The following PARD3 variants were observed in gnomAD, a reference collection of about 807,000 sequenced individuals.
PARD3 encodes par-3 family cell polarity regulator.
Under a neutral mutation model 155.4 loss-of-function variants are expected in PARD3, and 75 were observed. The ratio of observed to expected loss-of-function variants is 0.48; its 90% CI spans 0.40 to 0.58. PARD3 has a LOEUF of 0.58. Ranked by LOEUF, PARD3 falls within the 20% of genes least tolerant of loss-of-function variation. The pLI, the probability that PARD3 is intolerant of heterozygous loss-of-function variation, is 0.00. For missense variants in PARD3, 1,642 were observed against 1,721.7 expected (o/e 0.95, Z 0.82); for synonymous variants, 576 against 610.5 (o/e 0.94, Z 0.83).
chr10:34,131,626 T>C (rs1435549863), intron 22 of PARD3, 43 bp from the exon 23 acceptor site: 1 of 1,593,678 alleles, frequency 6.3e-7, no homozygotes, highest in African/African-American at 1.3e-5. Flanking sequence ...TTCAGAAATA[T>C]TATCTGTGAA....
chr10:34,355,017 G>C (rs527409686), intron 14 of PARD3, among the ~76,000 whole-genome samples: 1 of 152,294 alleles, frequency 6.6e-6, no homozygotes, highest in Admixed American at 6.5e-5. Context: ...AGTGGGAGAG[G>C]GGAAAGAGGG....
At chr10:34,742,618 C>A (rs887470922) in intron 1 of PARD3, among the ~76,000 whole-genome samples, 1 of 152,214 alleles carries the variant, frequency 6.6e-6, no homozygotes, top group Non-Finnish European at 1.5e-5. Context: ...CATAGATGAT[C>A]TAATGAATCA....
intron 1 of PARD3, among the ~76,000 whole-genome samples, chr10:34,698,015 T>A (rs1430210821): frequency 6.6e-6 from 1 of 151,984 alleles, no homozygotes; most frequent in East Asian, 1.9e-4. Context: ...TGGGGGTGAA[T>A]AAGAAAGAGG....
chr10:34,463,588 A>G (rs936990899), intron 4 of PARD3, among the ~76,000 whole-genome samples: 1 of 152,178 alleles, frequency 6.6e-6, no homozygotes, highest in Non-Finnish European at 1.5e-5. Flanking sequence ...TCATTTGAAA[A>G]TGATAAATTT....
At chr10:34,211,226 T>C (rs1443780415) in intron 22 of PARD3, among the ~76,000 whole-genome samples, 25 of 152,100 alleles carry the variant, frequency 1.6e-4, no homozygotes, top group Admixed American at 8.5e-4. Context: ...GAGATGTGTC[T>C]AGGGTCGTAA....
chr10:34,332,432 G>A lies in PARD3; in HGVS notation c.2606-1088C>T, dbSNP rs975388769. Among the ~76,000 whole-genome samples, 4 of 152,038 alleles carry A rather than the reference G, an allele frequency of 2.6e-5. No homozygotes were observed. The South Asian group carries it at 8.3e-4, about 32-fold the overall frequency. On this transcript the variant is annotated intron_variant, in intron 18 of 24. Coordinates refer to ENST00000374788, the MANE Select transcript of PARD3 (RefSeq NM_001184785.2). ...AAAAAGACAGGTGAAAAAAATAGAG[G>A]GTAGGAGAAACAAAATAGTTTATCT...
chr10:34,391,925 G>A (rs1351196846), intron 7 of PARD3, among the ~76,000 whole-genome samples: 5 of 152,248 alleles, frequency 3.3e-5, no homozygotes, highest in African/African-American at 4.8e-5. Context: ...GGAGGCCGAG[G>A]TGGGTGGATC....
chr10:34,176,674 C>T (rs1444655894), intron 22 of PARD3, among the ~76,000 whole-genome samples: 1 of 152,174 alleles, frequency 6.6e-6, no homozygotes, highest in Non-Finnish European at 1.5e-5. Flanking sequence ...GAGGCCTGGA[C>T]TTCTGGGTTA....
intron 2 of PARD3, among the ~76,000 whole-genome samples, chr10:34,546,098 T>A (rs1387104866): frequency 6.6e-6 from 1 of 152,236 alleles, no homozygotes; most frequent in South Asian, 2.1e-4. Context: ...ATAAAATATA[T>A]GTTGTATACT....
intron 2 of PARD3, among the ~76,000 whole-genome samples, chr10:34,589,012 C>A (rs1345990793): frequency 1.3e-5 from 2 of 152,158 alleles, no homozygotes; most frequent in African/African-American, 4.8e-5. Flanking sequence ...ACAGAAGGTT[C>A]ATTTGGTCCA....
chr10:34,641,968 A>G (rs1454508338), intron 2 of PARD3, among the ~76,000 whole-genome samples: 1 of 152,128 alleles, frequency 6.6e-6, no homozygotes, highest in East Asian at 1.9e-4. Context: ...GCTGTAAACA[A>G]GACTAAATGG....
intron 2 of PARD3, among the ~76,000 whole-genome samples, chr10:34,570,056 CTT>C (rs2086265168): frequency 6.6e-6 from 1 of 152,096 alleles, no homozygotes; most frequent in African/African-American, 2.4e-5. Flanking sequence ...AAATAGAAAA[CTT>C]AACATAGTAC....
intron 2 of PARD3, among the ~76,000 whole-genome samples, chr10:34,647,183 C>G (rs541523132): frequency 6.6e-6 from 1 of 152,274 alleles, no homozygotes; most frequent in Admixed American, 6.5e-5. Flanking sequence ...ATTATTCATC[C>G]CTTCCTGTGA....
chr10:34,479,298 ACTACAGGCGC>A (rs2078915189), intron 3 of PARD3, among the ~76,000 whole-genome samples: 1 of 151,428 alleles, frequency 6.6e-6, no homozygotes, highest in South Asian at 2.1e-4. Context: ...AGTAGCTGGG[ACTACAGGCGC>A]CTGCCACCAC....
At chr10:34,571,772 A>G (rs1477731213) in intron 2 of PARD3, among the ~76,000 whole-genome samples, 1 of 152,220 alleles carries the variant, frequency 6.6e-6, no homozygotes, top group African/African-American at 2.4e-5. Context: ...GGGAACACTG[A>G]GTTGTGAAAT....
chr10:34,516,842 C>CA, intron 3 of PARD3, 137 bp downstream of exon 3: 1 of 761,162 alleles, frequency 1.3e-6, no homozygotes, highest in Non-Finnish European at 2.1e-6. Context: ...TTGCAAAGAA[C>CA]ATTTGCCTGG....
At chr10:34,561,738 G>A (rs1158441599) in intron 2 of PARD3, among the ~76,000 whole-genome samples, 14 of 151,418 alleles carry the variant, frequency 9.2e-5, no homozygotes, top group Admixed American at 2.6e-4. Flanking sequence ...GGCTGGTCTC[G>A]AACTCCCAAT....
At chr10:34,123,743 G>A (rs541472510) in intron 23 of PARD3, among the ~76,000 whole-genome samples, 2 of 151,840 alleles carry the variant, frequency 1.3e-5, no homozygotes, top group Admixed American at 6.6e-5. Flanking sequence ...GGTGTTTTAT[G>A]AATTAAGTCT....
At chr10:34,740,484 G>A (rs1047280704) in intron 1 of PARD3, among the ~76,000 whole-genome samples, 16 of 152,164 alleles carry the variant, frequency 1.1e-4, no homozygotes, top group Admixed American at 8.5e-4. Context: ...CACTGTGCCC[G>A]TTCCAACAAA....
Sources: gnomAD v4.1 joint callset for allele counts (sites outside exome capture counted in the v4.1 genomes callset) on GRCh38, gnomAD v4.1.1 for gene constraint, MANE v1.5 for transcripts, NCBI Gene and HGNC (gene_info 2026-07-23, HGNC 2026-07-21) for gene names.